Variants in PALLD observed in about 807,000 individuals in gnomAD.
PALLD encodes palladin.
PALLD carries 61 observed loss-of-function variants against 123.5 expected under a neutral mutation model. The observed-to-expected ratio is 0.49, with a 90% CI of 0.40 to 0.61. The LOEUF is 0.61. Among genes scored for constraint, PALLD ranks in the 20% least tolerant of loss-of-function variants. PALLD has a pLI of 0.00. For missense variants in PALLD, 1,273 were observed against 1,377.0 expected, an observed-to-expected ratio of 0.92 and a Z score of 1.20; for synonymous variants, 465 against 496.4, an observed-to-expected ratio of 0.94 and a Z score of 0.84.
At chr4:168,566,904 A>C (rs1360180472) in intron 2 of PALLD, among the ~76,000 whole-genome samples, 1 of 152,176 alleles carries the variant, frequency 6.6e-6, no homozygotes, top group Non-Finnish European at 1.5e-5. Context: ...AACAGAGATC[A>C]GCAAATGCAG....
intron 7 of PALLD, 22 bp from the exon 8 acceptor site, chr4:168,691,247 A>AT (rs776117929): frequency 2.5e-6 from 4 of 1,590,162 alleles, no homozygotes; most frequent in Non-Finnish European, 3.5e-6. Flanking sequence ...GTTCTAATTT[A>AT]TTTTTTTCAT....
chr4:168,556,831 T>A (rs1053699001), intron 2 of PALLD, among the ~76,000 whole-genome samples: 4 of 152,098 alleles, frequency 2.6e-5, no homozygotes, highest in African/African-American at 9.7e-5. Context: ...GCCTCTTAGG[T>A]GCAGGGTACT....
intron 10 of PALLD, among the ~76,000 whole-genome samples, chr4:168,801,617 C>T (rs970713964): frequency 1.3e-5 from 2 of 152,170 alleles, no homozygotes; most frequent in African/African-American, 4.8e-5. Context: ...TAGAAATTAT[C>T]TTAAATAATT....
At chr4:168,547,753 C>A (rs1412695926) in intron 2 of PALLD, among the ~76,000 whole-genome samples, 2 of 151,750 alleles carry the variant, frequency 1.3e-5, no homozygotes, top group Non-Finnish European at 2.9e-5. Context: ...AGAGACCATC[C>A]TGGCCAACAT....
intron 10 of PALLD, chr4:168,864,250 C>T (rs190134228): frequency 6.6e-6 from 1 of 152,332 alleles, no homozygotes; most frequent in Admixed American, 6.5e-5. Flanking sequence ...TTGTTGGAAC[C>T]TGACAGATTT....
At chr4:168,673,603 C>T (rs2710827) in intron 3 of PALLD, among the ~76,000 whole-genome samples, 55,876 of 151,994 alleles carry the variant, frequency 0.37, 10,798 homozygotes, top group African/African-American at 0.49. Context: ...AACTGACTCT[C>T]TGGTTGGTAG....
At chr4:168,562,604 C>G (rs1767974771) in intron 2 of PALLD, among the ~76,000 whole-genome samples, 1 of 151,982 alleles carries the variant, frequency 6.6e-6, no homozygotes, top group Admixed American at 6.6e-5. Context: ...GGAGATCTCC[C>G]TGAGAAAGAA....
At chr4:168,825,169 A>G (rs906693396) in intron 10 of PALLD, among the ~76,000 whole-genome samples, 1 of 152,182 alleles carries the variant, frequency 6.6e-6, no homozygotes, top group African/African-American at 2.4e-5. Context: ...TATGGAGCTT[A>G]TGGTCTATAT....
At chr4:168,632,782 A>G (rs771822722) in intron 2 of PALLD, among the ~76,000 whole-genome samples, 9 of 152,208 alleles carry the variant, frequency 5.9e-5, no homozygotes, top group Admixed American at 1.3e-4. Flanking sequence ...AGTTCCTGAA[A>G]TTATTTAATC....
intron 3 of PALLD, among the ~76,000 whole-genome samples, chr4:168,678,822 G>A (rs1300151367): frequency 6.6e-6 from 1 of 150,846 alleles, no homozygotes; most frequent in Non-Finnish European, 1.5e-5. Context: ...TATGGTGTGT[G>A]GGGGGGTATG....
At chr4:168,782,937 A>C (rs953938207) in intron 10 of PALLD, among the ~76,000 whole-genome samples, 9 of 151,962 alleles carry the variant, frequency 5.9e-5, no homozygotes, top group Non-Finnish European at 1.2e-4. Context: ...AACAAAAAAA[A>C]ACTTTTTTTA....
In PALLD at chr4:168,828,505, C is replaced by T. The variant is rs77562528; in HGVS notation, c.1965-62417C>T. Among the ~76,000 whole-genome samples, 609 of 152,224 alleles carry T rather than the reference C, an allele frequency of 4.0e-3. 2 individuals are homozygous for T. Among genetic ancestry groups the T allele is most frequent in the East Asian group, 0.033 (170 of 5,182 alleles). Reference sequence around the variant, plus strand: ...TCAGTAGTTAGATAGATCAATCAGTCGATTGATAAATAGATAGATCTGTGA... The same window carrying T: ...TCAGTAGTTAGATAGATCAATCAGTTGATTGATAAATAGATAGATCTGTGA... On this transcript the variant is annotated intron_variant, in intron 10 of 21. Transcript: ENST00000505667.
chr4:168,514,407 C>G (rs1389700490), intron 2 of PALLD, among the ~76,000 whole-genome samples: 1 of 152,124 alleles, frequency 6.6e-6, no homozygotes, highest in Admixed American at 6.5e-5. Flanking sequence ...ATTTGTTCAA[C>G]TAATTCACTT....
chr4:168,656,400 G>A (rs959039079), intron 2 of PALLD, among the ~76,000 whole-genome samples: 2 of 151,890 alleles, frequency 1.3e-5, no homozygotes, highest in Admixed American at 6.6e-5. Context: ...TAGCTAACAA[G>A]TGTAACTTGA....
chr4:168,787,118 C>T (rs1384924099), intron 10 of PALLD, among the ~76,000 whole-genome samples: 5 of 152,154 alleles, frequency 3.3e-5, no homozygotes, highest in Non-Finnish European at 5.9e-5. Context: ...AATGTTTACA[C>T]CTTGCCAGGA....
In PALLD at chr4:168,898,565, G is replaced by C; in HGVS notation, c.2323G>C (p.Asp775His). 1 of 1,613,858 alleles carries C rather than the reference G, an allele frequency of 6.2e-7. No individual in the cohort carries two copies. The highest frequency in any genetic ancestry group is 8.5e-7 in the Non-Finnish European group (1 of 1,179,724). The change falls in exon 14 of 22, where the codon GAT (aspartate) becomes CAT (histidine). Residue 775 changes from aspartate (D) to histidine (H), a missense_variant. Coordinates refer to ENST00000505667, the MANE Select transcript of PALLD (RefSeq NM_001166108.2). ...IEYRLERSPV[D>H]ESGDEVQYGD... Reference sequence around the variant, plus strand: ...GTACAGGCTAGAAAGGTCTCCTGTGGATGAATCAGGTGATGAAGTTCAGTA... The same window carrying C: ...GTACAGGCTAGAAAGGTCTCCTGTGCATGAATCAGGTGATGAAGTTCAGTA...
rs1385166026 is a variant in PALLD at position 168,668,352 on chromosome 4, TG to T, written c.1072del (p.Glu358ArgfsTer17). ...CCAGCGGCTCAGACACAACATCTGC[TG>T]AGGTGTTCATTGAAGGTAAGGAGGG... Reference protein sequence around the residue: ...NPSGSDTTSAEVFIEGASSTD... With the variant: ...NPSGSDTTSAXVFIEGASSTD... On this transcript the variant is annotated frameshift_variant, in exon 3 of 22. Transcript: ENST00000505667. LOFTEE classifies it high-confidence loss of function. 7 of 1,607,302 alleles carry T rather than the reference TG, an allele frequency of 4.4e-6. No homozygotes were observed. Among genetic ancestry groups the T allele is most frequent in the Non-Finnish European group, 6.0e-6 (7 of 1,175,568 alleles).
intron 10 of PALLD, among the ~76,000 whole-genome samples, chr4:168,736,271 C>G (rs1036812812): frequency 6.6e-6 from 1 of 152,208 alleles, no homozygotes; most frequent in Admixed American, 6.5e-5. Context: ...GAAAGCATCA[C>G]ACATGCATGT....
At chr4:168,697,586 C>T (rs764195313) in intron 8 of PALLD, among the ~76,000 whole-genome samples, 2 of 152,166 alleles carry the variant, frequency 1.3e-5, no homozygotes, top group Non-Finnish European at 2.9e-5. Flanking sequence ...CTGTCCTGCT[C>T]TCCCCTCCAT....
Sources: allele counts gnomAD v4.1 joint callset (sites outside exome capture counted in the v4.1 genomes callset), GRCh38; gene constraint gnomAD v4.1.1; transcripts MANE v1.5; gene names NCBI Gene and HGNC (gene_info 2026-07-23, HGNC 2026-07-21).